The following RBM6 variants were observed in gnomAD, a reference collection of about 807,000 sequenced individuals.
RBM6 encodes the protein RNA binding motif protein 6.
In RBM6, 23 loss-of-function variants were observed where a neutral mutation model predicts 140.4. The ratio of observed to expected loss-of-function variants is 0.16; its 90% CI spans 0.12 to 0.23. The LOEUF is 0.23. Ranked by LOEUF, RBM6 falls within the 10% of genes least tolerant of loss-of-function variation. The pLI is 1.00. For missense variants in RBM6, 1,139 were observed against 1,386.7 expected (o/e 0.82, Z 2.84); for synonymous variants, 439 against 475.6 (o/e 0.92, Z 1.00).
intron 6 of RBM6, among the ~76,000 whole-genome samples, chr3:50,018,581 G>GTTTTTTTTTTTTT (rs58115280): frequency 1.6e-5 from 1 of 63,510 alleles, no homozygotes; most frequent in Non-Finnish European, 2.8e-5. Flanking sequence ...GTAGGAGTGT[G>GTTTTTTTTTTTTT]TTTTTTTTTT....
chr3:50,005,477 G>A (rs1304556197), intron 6 of RBM6, among the ~76,000 whole-genome samples: 4 of 144,114 alleles, frequency 2.8e-5, no homozygotes, highest in African/African-American at 5.2e-5. Flanking sequence ...CAACCTGGGC[G>A]ACAGAGAGAT....
chr3:50,058,773 G>T, intron 10 of RBM6: 1 of 354,030 alleles, frequency 2.8e-6, no homozygotes, highest in Admixed American at 4.0e-5. Context: ...AAAATTAGCT[G>T]GGCGTGGTGG....
At chr3:50,067,624 T>C (rs2090163167) in intron 17 of RBM6, among the ~76,000 whole-genome samples, 2 of 152,338 alleles carry the variant, frequency 1.3e-5, no homozygotes, top group East Asian at 1.9e-4. Flanking sequence ...ACAACATCTA[T>C]ACTTGGGATG....
At position 50,063,406 on chromosome 3, in the gene RBM6, C is replaced by T. The variant is rs148465175; in HGVS notation, c.2586+1298C>T. 5.6e-3 allele frequency among the ~76,000 whole-genome samples: 848 copies of T among 151,522 alleles called. 3 individuals are homozygous for T. Among genetic ancestry groups the T allele is most frequent in the Non-Finnish European group, 7.5e-3 (506 of 67,880 alleles). On this transcript the variant is annotated intron_variant, in intron 15 of 20. Coordinates refer to ENST00000266022, the MANE Select transcript of RBM6 (RefSeq NM_005777.3). ...TGGATGCCTGAGTTTAGGAGTTTGA[C>T]ACCAGCAACATGGTGAAACTCCATC... is the stretch of plus-strand genomic sequence containing the variant.
At chr3:49,966,429 T>C (rs552010549) in intron 2 of RBM6, among the ~76,000 whole-genome samples, 1 of 152,324 alleles carries the variant, frequency 6.6e-6, no homozygotes, top group South Asian at 2.1e-4. Context: ...TTAGGGAATC[T>C]TGGACTGAAG....
chr3:50,074,280 T>G (rs1310798325), intron 19 of RBM6, among the ~76,000 whole-genome samples: 1 of 152,178 alleles, frequency 6.6e-6, no homozygotes, highest in Non-Finnish European at 1.5e-5. Flanking sequence ...ATTCCTGTCA[T>G]TTTTGGTGAT....
intron 5 of RBM6, among the ~76,000 whole-genome samples, chr3:49,991,127 C>T (rs2085799390): frequency 6.6e-6 from 1 of 152,118 alleles, no homozygotes; most frequent in Non-Finnish European, 1.5e-5. Flanking sequence ...GCAAAAAACT[C>T]AGAGAAATAC....
rs570777205 is a variant in RBM6, at chr3:49,968,311, A to C, written c.886A>C (p.Ile296Leu). 73 of 1,614,212 alleles carry C rather than the reference A, an allele frequency of 4.5e-5. No homozygotes were observed. The South Asian group carries it at 7.2e-4, about 16-fold the overall frequency. Residue 296 changes from isoleucine to leucine, a missense_variant, in exon 3 of 21, where the codon ATT (isoleucine) becomes CTT (leucine). Transcript: ENST00000266022. Reference sequence around the variant, plus strand: ...TGTGGATCCAAATATTTTGGATTACATTCAGCCCTCTACACAAGATAGAGA... The same window carrying C: ...TGTGGATCCAAATATTTTGGATTACCTTCAGCCCTCTACACAAGATAGAGA... ...PPVDPNILDYIQPSTQDREHS... is the reference protein window; with the variant it reads ...PPVDPNILDYLQPSTQDREHS...
intron 9 of RBM6, 85 bp downstream of exon 9, chr3:50,058,088 C>A: frequency 6.8e-7 from 1 of 1,467,384 alleles, no homozygotes. Context: ...GAGCTATCTG[C>A]TTTCCAGTAC....
intron 2 of RBM6, among the ~76,000 whole-genome samples, chr3:49,963,585 G>A (rs551616969): frequency 1.3e-5 from 2 of 152,236 alleles, no homozygotes; most frequent in South Asian, 2.1e-4. Flanking sequence ...GCATGTTGAC[G>A]CAGTTTGCTA....
At chr3:49,958,806 A>G (rs938367166) in intron 1 of RBM6, among the ~76,000 whole-genome samples, 3 of 147,326 alleles carry the variant, frequency 2.0e-5, no homozygotes, top group Non-Finnish European at 4.5e-5. Context: ...TTTTTTGTAA[A>G]AATGGAGTCT....
intron 5 of RBM6, among the ~76,000 whole-genome samples, chr3:49,988,598 C>T (rs1455305041): frequency 6.6e-6 from 1 of 152,126 alleles, no homozygotes; most frequent in African/African-American, 2.4e-5. Flanking sequence ...AAAATCTTAC[C>T]TTTGGTGTTT....
intron 6 of RBM6, among the ~76,000 whole-genome samples, chr3:50,010,802 C>T (rs2086806631): frequency 1.4e-5 from 2 of 139,094 alleles, no homozygotes; most frequent in African/African-American, 2.7e-5. Context: ...ACTCGGGAGG[C>T]TGAGGCAGGA....
intron 17 of RBM6, among the ~76,000 whole-genome samples, chr3:50,066,873 G>A (rs2108938184): frequency 6.7e-6 from 1 of 149,728 alleles, no homozygotes; most frequent in South Asian, 2.1e-4. Context: ...ATTATTGATG[G>A]GGATTATGGG....
At chr3:50,052,420 C>T (rs1048474861) in intron 7 of RBM6, among the ~76,000 whole-genome samples, 10 of 152,210 alleles carry the variant, frequency 6.6e-5, no homozygotes, top group African/African-American at 2.4e-4. Flanking sequence ...CTGCCACTCA[C>T]TAACTGAAGT....
At chr3:50,007,946 A>AACCGTAAGTTC (rs1184015956) in intron 6 of RBM6, among the ~76,000 whole-genome samples, 1 of 152,174 alleles carries the variant, frequency 6.6e-6, no homozygotes, top group Non-Finnish European at 1.5e-5. Context: ...TAAGTTCTAA[A>AACCGTAAGTTC]TTAGCTGGGT....
Position 50,057,823 on chromosome 3 carries a change from C to G in RBM6, c.1789C>G (p.Pro597Ala). 1 of 1,613,778 alleles carries G rather than the reference C, an allele frequency of 6.2e-7. No individual in the cohort carries two copies. ...LEKQPNQPLR[P>A]ADKEPEPRKR... ...AAAACAGCCCAACCAGCCCCTAAGA[C>G]CAGCTGATAAGGAACCTGAACCCAG... Residue 597 changes from proline to alanine, a missense_variant, in exon 9 of 21, where the codon CCA becomes GCA. Around this residue, in one of 9 missense-constraint regions of RBM6, gnomAD observed 109 missense variants for 101.9 expected, o/e 1.07. Coordinates refer to ENST00000266022, the MANE Select transcript of RBM6 (RefSeq NM_005777.3).
At chr3:50,032,354 C>T (rs1458810034) in intron 6 of RBM6, among the ~76,000 whole-genome samples, 2 of 151,884 alleles carry the variant, frequency 1.3e-5, no homozygotes, top group East Asian at 3.9e-4. Flanking sequence ...CGTGGTGGTG[C>T]GTGCCTGTAG....
Position 50,039,840 on chromosome 3 carries a change from T to G in RBM6, c.1558-8405T>G, listed in dbSNP as rs572652521. Reference sequence around the variant, plus strand: ...TGTCTTCTCACAAGGAGAGAAAAGATTTGAGGCTCTTTTGATTACTTACTT... The same window carrying G: ...TGTCTTCTCACAAGGAGAGAAAAGAGTTGAGGCTCTTTTGATTACTTACTT... On this transcript the variant is annotated intron_variant, in intron 6 of 20. Coordinates refer to ENST00000266022, the MANE Select transcript of RBM6 (RefSeq NM_005777.3). Among the ~76,000 whole-genome samples the G allele has an allele frequency of 2.6e-5, 4 of 152,298 alleles. No homozygotes were observed. The East Asian group carries it at 7.7e-4, about 29-fold the overall frequency.
Sources: allele counts gnomAD v4.1 joint callset (sites outside exome capture counted in the v4.1 genomes callset), GRCh38; gene constraint gnomAD v4.1.1; regional missense constraint gnomAD v4.1.1; transcripts MANE v1.5; gene names NCBI Gene and HGNC (gene_info 2026-07-23, HGNC 2026-07-21).